The following ZNF493 variants were observed in gnomAD, a reference collection of about 807,000 sequenced individuals.
ZNF493 encodes zinc finger protein 493.
A neutral mutation model predicts 12.2 loss-of-function variants in ZNF493; 11 were observed. That is an observed-to-expected ratio of 0.90 (90% CI 0.57 to 1.50). The LOEUF (loss-of-function observed/expected upper bound fraction) is 1.50. Among genes scored for constraint, ZNF493 ranks in the 40% most tolerant of loss-of-function variants. The pLI, the probability that ZNF493 is intolerant of heterozygous loss-of-function variation, is 0.00. For synonymous variants in ZNF493, 286 were observed against 302.6 expected (o/e 0.95, Z 0.57); for missense variants, 950 against 906.6 (o/e 1.05, Z -0.61).
At chr19:21,397,383 G>A (rs991902284) in intron 1 of ZNF493, 116 bp downstream of exon 1, 3 of 1,294,176 alleles carry the variant, frequency 2.3e-6, no homozygotes, top group Admixed American at 3.4e-5. Flanking sequence ...TCTGCTCCCT[G>A]AGTTCTCCTT....
At chr19:21,412,841 T>G (rs747641077) in intron 3 of ZNF493, 10 of 340,240 alleles carry the variant, frequency 2.9e-5, no homozygotes, top group Non-Finnish European at 5.1e-5. Context: ...TTTTTTATTC[T>G]TTCCCAAATT....
chr19:21,424,101 T>G lies in ZNF493; in HGVS notation c.1442T>G (p.Ile481Arg), dbSNP rs192316141. 231 of 1,610,858 alleles carry G rather than the reference T, an allele frequency of 1.4e-4. No individual in the cohort carries two copies. The highest frequency in any genetic ancestry group is 4.4e-5 in the Non-Finnish European group (52 of 1,178,698). ...KRSSTLTKHR[I>R]IHTEEKPYKC... Reference sequence around the variant, plus strand: ...TCTTCAACCCTTACTAAACATAGGATAATTCATACTGAAGAGAAACCCTAC... The same window carrying G: ...TCTTCAACCCTTACTAAACATAGGAGAATTCATACTGAAGAGAAACCCTAC... Residue 481 changes from isoleucine (I) to arginine (R), a missense_variant, in exon 4 of 4, where the codon ATA (isoleucine) becomes AGA (arginine). Transcript: ENST00000392288.
At chr19:21,403,336 A>G (rs1466194928) in intron 1 of ZNF493, among the ~76,000 whole-genome samples, 2 of 152,184 alleles carry the variant, frequency 1.3e-5, no homozygotes, top group African/African-American at 4.8e-5. Flanking sequence ...TTTTGATAGG[A>G]AGAGGTCAGT....
At chr19:21,408,884 T>TC (rs35597453) in intron 3 of ZNF493, 234,399 of 657,812 alleles carry the variant, frequency 0.36, 18,109 homozygotes, top group African/African-American at 0.52. Context: ...TTTCTTTCTT[T>TC]TTTTTTTTTT....
At chr19:21,397,491 C>T in intron 1 of ZNF493, 1 of 626,648 alleles carries the variant, frequency 1.6e-6, no homozygotes, top group South Asian at 1.9e-5. Flanking sequence ...TGTGACTGTG[C>T]CCTGCCTGGA....
intron 3 of ZNF493, chr19:21,408,486 T>G: frequency 2.0e-6 from 2 of 984,164 alleles, no homozygotes; most frequent in Non-Finnish European, 2.4e-6. Context: ...TATTTATAAT[T>G]ATACTGCATA....
At chr19:21,402,220 G>A (rs1251149058) in intron 1 of ZNF493, among the ~76,000 whole-genome samples, 2 of 152,238 alleles carry the variant, frequency 1.3e-5, no homozygotes, top group African/African-American at 2.4e-5. Flanking sequence ...ACCTGCCTTG[G>A]CCTCCCAAAG....
intron 3 of ZNF493, chr19:21,412,391 T>A (rs2030352946): frequency 6.6e-6 from 1 of 152,532 alleles, no homozygotes; most frequent in Non-Finnish European, 1.5e-5. Context: ...TTCCTTGCCC[T>A]CATTCCGGTA....
In ZNF493 at chr19:21,424,651, A is replaced by T. The variant is rs370529313; in HGVS notation, c.1992A>T (p.Lys664Asn). The T allele has an allele frequency of 1.9e-6, 3 of 1,613,726 alleles. No homozygotes were observed. The African/African-American group carries it at 4.0e-5, about 22-fold the overall frequency. ...QKPYKCEECG[K>N]AFSIFSTLTK... The stretch of plus-strand genomic sequence containing the variant: ...CCTACAAATGTGAAGAATGTGGCAA[A>T]GCCTTTAGTATATTCTCAACCCTTA... Residue 664 changes from lysine to asparagine, a missense_variant, in exon 4 of 4, where the codon AAA becomes AAT. By Grantham distance (94) the Lys-to-Asn change is moderately conservative. Coordinates refer to ENST00000392288, the MANE Select transcript of ZNF493 (RefSeq NM_001076678.3).
chr19:21,406,868 AGATT>A (rs2030148912), intron 3 of ZNF493, among the ~76,000 whole-genome samples: 2 of 152,086 alleles, frequency 1.3e-5, no homozygotes, highest in Admixed American at 1.3e-4. Flanking sequence ...CTGAATCTAT[AGATT>A]ACTTTGGAGA....
In ZNF493 at chr19:21,424,418, A is replaced by G; in HGVS notation, c.1759A>G (p.Thr587Ala). ...TGGCAAATCCTTTAGTGTATTCTCAACCCTTACTAAACACAAGATAATTCA... is the reference window on the plus strand; with the variant it reads ...TGGCAAATCCTTTAGTGTATTCTCAGCCCTTACTAAACACAAGATAATTCA... ...ECGKSFSVFSTLTKHKIIHTD... is the reference protein window; with the variant it reads ...ECGKSFSVFSALTKHKIIHTD... The change falls in exon 4 of 4, where the codon ACC (threonine) becomes GCC (alanine). Residue 587 changes from threonine to alanine, a missense_variant. Physicochemically the swap from Thr to Ala is moderately conservative, Grantham distance 58. Transcript: ENST00000392288. The G allele has an allele frequency of 1.2e-6, 2 of 1,612,000 alleles. No homozygotes were observed. The highest frequency in any genetic ancestry group is 8.5e-7 in the Non-Finnish European group (1 of 1,179,020).
Position 21,424,327 on chromosome 19 carries a change from G to C in ZNF493, c.1668G>C (p.Arg556=), listed in dbSNP as rs753407694. 5.0e-6 allele frequency: 8 copies of C among 1,607,946 alleles called. No individual in the cohort carries two copies. Among genetic ancestry groups the C allele is most frequent in the Non-Finnish European group, 6.8e-6 (8 of 1,178,074 alleles). Reference sequence around the variant, plus strand: ...AAGAATGTGGCAAAGCTTTTAATCGGTCCTCACACCTTACTACACATAAGA... The same window carrying C: ...AAGAATGTGGCAAAGCTTTTAATCGCTCCTCACACCTTACTACACATAAGA... ...KCEECGKAFN[R]SSHLTTHKRI... The change falls in exon 4 of 4, where the codon CGG becomes CGC. Residue 556 remains arginine, a synonymous_variant. Transcript: ENST00000392288.
chr19:21,419,643 C>G (rs1050730834), intron 3 of ZNF493, among the ~76,000 whole-genome samples: 3 of 152,114 alleles, frequency 2.0e-5, no homozygotes, highest in African/African-American at 7.2e-5. Flanking sequence ...AAGGGTGGGT[C>G]TGCCTTTTCC....
chr19:21,420,624 T>TA (rs1491161100), intron 3 of ZNF493, among the ~76,000 whole-genome samples: 69 of 17,036 alleles, frequency 4.1e-3, no homozygotes, highest in Non-Finnish European at 5.1e-3. Context: ...TATATATATA[T>TA]TTTTTTTTTT....
Position 21,424,365 on chromosome 19 carries a change from G to A in ZNF493, c.1706G>A (p.Gly569Glu). Residue 569 changes from glycine (G) to glutamate (E), a missense_variant, in exon 4 of 4, where the codon GGA becomes GAA. Gly to Glu is a moderately conservative substitution (Grantham distance 98, BLOSUM62 -2). Transcript: ENST00000392288. The stretch of plus-strand genomic sequence containing the variant: ...ACTACACATAAGAGAATTCATACTG[G>A]ACACAAACCCTACAAATGTAAAGAA... ...HLTTHKRIHT[G>E]HKPYKCKECG... The A allele has an allele frequency of 6.2e-7, 1 of 1,608,518 alleles. No homozygotes were observed. The highest frequency in any genetic ancestry group is 8.5e-7 in the Non-Finnish European group (1 of 1,178,342).
At position 21,425,686 on chromosome 19, in the gene ZNF493, C is replaced by G; in HGVS notation, c.*702C>G. ...TAGATAATTCATGCTGGAGAGAAAC[C>G]CTACAAATGTGAAAAATGTGGCAAA... On this transcript the variant is annotated 3_prime_UTR_variant, in exon 4 of 4. Coordinates refer to ENST00000392288, the MANE Select transcript of ZNF493 (RefSeq NM_001076678.3). 2 of 770,936 alleles carry G rather than the reference C, an allele frequency of 2.6e-6. No individual in the cohort carries two copies. The highest frequency in any genetic ancestry group is 4.3e-6 in the Non-Finnish European group (2 of 466,154). The allele number at this position is 770,936 out of a possible 1,614,324, so 47.8% of individuals were successfully genotyped here. A position where few individuals can be genotyped will look rare whatever the true frequency, so the allele number is the denominator to read the frequency against.
chr19:21,415,560 C>G lies in ZNF493; in HGVS notation c.254-7353C>G, dbSNP rs1445613543. 2.6e-5 allele frequency among the ~76,000 whole-genome samples: 4 copies of G among 152,064 alleles called. No individual in the cohort carries two copies. In the South Asian group the frequency reaches 6.2e-4, roughly 24 times the overall value. On this transcript the variant is annotated intron_variant, in intron 3 of 3. Coordinates refer to ENST00000392288, the MANE Select transcript of ZNF493 (RefSeq NM_001076678.3). ...AACCAGTGCAAGAAATCAAATTTTGCAAGGGATCATAACATTGGAGTAATA... is the reference window on the plus strand; with the variant it reads ...AACCAGTGCAAGAAATCAAATTTTGGAAGGGATCATAACATTGGAGTAATA...
Position 21,426,224 on chromosome 19 carries a change from T to C in ZNF493, c.*1240T>C. On this transcript the variant is annotated 3_prime_UTR_variant, in exon 4 of 4. Coordinates refer to ENST00000392288, the MANE Select transcript of ZNF493 (RefSeq NM_001076678.3). ...ATGTAACAAAGTATTTAAATGGTTG[T>C]CACACTTGATTATAGGTAATATTCA... The C allele has an allele frequency of 4.8e-6, 1 of 208,042 alleles. No individual in the cohort carries two copies. The allele number at this position is 208,042 out of a possible 1,614,324, so 12.9% of individuals were successfully genotyped here.
chr19:21,416,736 C>A (rs1000171469), intron 3 of ZNF493, among the ~76,000 whole-genome samples: 1 of 152,162 alleles, frequency 6.6e-6, no homozygotes, highest in Non-Finnish European at 1.5e-5. Context: ...CAATCAGGAG[C>A]TGTGCTATGC....
Sources: gnomAD v4.1 joint callset for allele counts (sites outside exome capture counted in the v4.1 genomes callset) on GRCh38, gnomAD v4.1.1 for gene constraint, MANE v1.5 for transcripts, NCBI Gene and HGNC (gene_info 2026-07-23, HGNC 2026-07-21) for gene names.